The following KMT2C variants were observed in gnomAD, a reference collection of about 807,000 sequenced individuals.
The protein encoded by KMT2C is histone-lysine N-methyltransferase 2C.
In KMT2C, 88 loss-of-function variants were observed where a neutral mutation model predicts 507.9. The ratio of observed to expected loss-of-function variants is 0.17; its 90% CI spans 0.15 to 0.21. The LOEUF is 0.21. Among genes scored for constraint, KMT2C ranks in the 10% least tolerant of loss-of-function variants. The pLI is 1.00. For missense variants in KMT2C, 4,954 were observed against 5,957.8 expected, an observed-to-expected ratio of 0.83 and a Z score of 5.55; for synonymous variants, 2,049 against 2,080.8, an observed-to-expected ratio of 0.98 and a Z score of 0.42.
intron 1 of KMT2C, among the ~76,000 whole-genome samples, chr7:152,408,018 G>C (rs914577797): frequency 2.6e-5 from 4 of 152,346 alleles, no homozygotes; most frequent in South Asian, 2.1e-4. Context: ...GGCCGGGTGG[G>C]GTGGCTCACG....
At chr7:152,230,483 C>T (rs2095074412) in intron 16 of KMT2C, among the ~76,000 whole-genome samples, 162 bp from the exon 17 acceptor site, 1 of 152,134 alleles carries the variant, frequency 6.6e-6, no homozygotes. Context: ...AAAATGGAGT[C>T]GTGACATTTT....
chr7:152,387,311 T>C (rs976263867), intron 1 of KMT2C, among the ~76,000 whole-genome samples: 5 of 151,968 alleles, frequency 3.3e-5, no homozygotes, highest in South Asian at 2.1e-4. Context: ...TATGTAGTTA[T>C]TGGTAATTTT....
At chr7:152,189,251 A>G (rs1280298766) in intron 31 of KMT2C, among the ~76,000 whole-genome samples, 2 of 152,228 alleles carry the variant, frequency 1.3e-5, no homozygotes, top group Non-Finnish European at 2.9e-5. Context: ...ATATTGGAGC[A>G]GTTTCCAGAA....
intron 18 of KMT2C, among the ~76,000 whole-genome samples, chr7:152,226,525 C>A (rs1205549669): frequency 6.6e-6 from 1 of 152,106 alleles, no homozygotes; most frequent in Non-Finnish European, 1.5e-5. Context: ...AGGCACCACA[C>A]CCAGCCCATT....
At chr7:152,328,063 A>G (rs2096847047) in intron 3 of KMT2C, among the ~76,000 whole-genome samples, 1 of 152,214 alleles carries the variant, frequency 6.6e-6, no homozygotes, top group Non-Finnish European at 1.5e-5. Flanking sequence ...AAGCCCACCA[A>G]CAAAGTGCGT....
rs71198778 is a variant in KMT2C at position 152,364,934 on chromosome 7, GACACACACAC to G, written c.162-6269_162-6260del. 2.4e-3 allele frequency among the ~76,000 whole-genome samples: 330 copies of G among 138,160 alleles called. 1 individual carries two copies. The highest frequency in any genetic ancestry group is 3.4e-3 in the Non-Finnish European group (215 of 63,092). The allele number at this position is 138,160 out of a possible 152,430, so 90.6% of individuals were successfully genotyped here. A position where few individuals can be genotyped will look rare whatever the true frequency, so the allele number is the denominator to read the frequency against. On this transcript the variant is annotated intron_variant, in intron 1 of 58. Coordinates refer to ENST00000262189, the MANE Select transcript of KMT2C (RefSeq NM_170606.3). ...AGCACAACAAAATCTGAAACAGACA[GACACACACAC>G]ACACACACACACACACACACACACA...
At chr7:152,189,960 G>C (rs2129126428) in intron 31 of KMT2C, among the ~76,000 whole-genome samples, 1 of 152,308 alleles carries the variant, frequency 6.6e-6, no homozygotes, top group East Asian at 1.9e-4. Flanking sequence ...TGAACAGCGG[G>C]CAAGTGACCA....
chr7:152,244,420 C>T (rs947035031), intron 14 of KMT2C, among the ~76,000 whole-genome samples: 4 of 152,088 alleles, frequency 2.6e-5, no homozygotes, highest in South Asian at 2.1e-4. Context: ...GGGGCTCACA[C>T]CTGTAATCCC....
intron 23 of KMT2C, among the ~76,000 whole-genome samples, chr7:152,217,298 G>GGT (rs2094608997): frequency 6.6e-6 from 1 of 152,002 alleles, no homozygotes; most frequent in Non-Finnish European, 1.5e-5. Flanking sequence ...TTATTTTAGG[G>GGT]GTGTGTGTGT....
chr7:152,183,165 AAAG>A lies in KMT2C; in HGVS notation c.5083-12_5083-10del. 2.6e-6 allele frequency: 4 copies of A among 1,518,194 alleles called. No individual in the cohort carries two copies. The highest frequency in any genetic ancestry group is 3.5e-6 in the Non-Finnish European group (4 of 1,136,368). The allele number at this position is 1,518,194 out of a possible 1,614,324, so 94.0% of individuals were successfully genotyped here. On this transcript the variant is annotated splice_polypyrimidine_tract_variant and intron_variant, in intron 34 of 58. Coordinates refer to ENST00000262189, the MANE Select transcript of KMT2C (RefSeq NM_170606.3). ...TTATCTCTGGCTTTTTGCTTTGACA[AAAG>A]AAGAGAAAAAAATTTCCCAGATTAT...
chr7:152,275,979 A>G (rs1331985448), intron 6 of KMT2C, among the ~76,000 whole-genome samples: 1 of 152,244 alleles, frequency 6.6e-6, no homozygotes, highest in African/African-American at 2.4e-5. Context: ...CAGCTTCTCA[A>G]TGTCTTTCTC....
intron 34 of KMT2C, among the ~76,000 whole-genome samples, chr7:152,184,453 A>G (rs1338358840): frequency 2.0e-5 from 3 of 152,230 alleles, no homozygotes; most frequent in South Asian, 2.1e-4. Flanking sequence ...ATAATTTACC[A>G]TATGAACTGC....
intron 23 of KMT2C, among the ~76,000 whole-genome samples, chr7:152,208,843 G>T (rs2094377802): frequency 1.3e-5 from 2 of 152,200 alleles, no homozygotes; most frequent in South Asian, 4.2e-4. Context: ...TCTGATAATG[G>T]CTATCGGCTT....
chr7:152,407,653 C>A (rs2097630768), intron 1 of KMT2C, among the ~76,000 whole-genome samples: 1 of 126,924 alleles, frequency 7.9e-6, no homozygotes. Context: ...GCCTGGGCGA[C>A]ACAGCGAGAC....
rs2129202570 is a variant in KMT2C at position 152,315,225 on chromosome 7, G to C, written c.503C>G (p.Ser168Cys). Residue 168 changes from serine to cysteine, a missense_variant, in exon 4 of 59, where the codon TCT becomes TGT. This residue lies in a region of KMT2C where 233 missense variants were observed against 263.6 expected (regional missense o/e 0.88). Coordinates refer to ENST00000262189, the MANE Select transcript of KMT2C (RefSeq NM_170606.3). The part of the protein sequence containing the change: ...GFILPWRNQP[S>C]NKKDIDDNSN... ...GTTGTCATCAATGTCCTTCTTGTTA[G>C]AAGGTTGGTTTCTCCATGGCAAGAT... The C allele has an allele frequency of 6.2e-7, 1 of 1,614,010 alleles. No individual in the cohort carries two copies. The highest frequency in any genetic ancestry group is 8.5e-7 in the Non-Finnish European group (1 of 1,179,942).
chr7:152,200,467 G>A (rs1034239906), intron 26 of KMT2C, among the ~76,000 whole-genome samples: 7 of 152,126 alleles, frequency 4.6e-5, no homozygotes, highest in African/African-American at 1.4e-4. Context: ...AGTAGCTCAC[G>A]CCTGTAATCC....
chr7:152,427,879 G>A (rs569710961), intron 1 of KMT2C, among the ~76,000 whole-genome samples: 8 of 152,202 alleles, frequency 5.3e-5, no homozygotes, highest in East Asian at 3.9e-4. Flanking sequence ...AGAAACTGCC[G>A]AATTCCTCCT....
chr7:152,233,445 A>T (rs905823390), intron 16 of KMT2C, among the ~76,000 whole-genome samples: 7 of 152,210 alleles, frequency 4.6e-5, no homozygotes, highest in Non-Finnish European at 8.8e-5. Flanking sequence ...AGGGACACGT[A>T]AGAGTAAACA....
At chr7:152,322,278 G>A (rs1589177541) in intron 3 of KMT2C, among the ~76,000 whole-genome samples, 1 of 151,814 alleles carries the variant, frequency 6.6e-6, no homozygotes, top group African/African-American at 2.4e-5. Flanking sequence ...TGGGTGGACG[G>A]CTCCAGCTCA....
Sources: allele counts gnomAD v4.1 joint callset (sites outside exome capture counted in the v4.1 genomes callset), GRCh38; gene constraint gnomAD v4.1.1; regional missense constraint gnomAD v4.1.1; transcripts MANE v1.5; gene names NCBI Gene and HGNC (gene_info 2026-07-23, HGNC 2026-07-21).